The following PCDH15 variants were observed in gnomAD, a reference collection of about 807,000 sequenced individuals.
PCDH15 encodes the protein protocadherin-15.
PCDH15 carries 129 observed loss-of-function variants against 178.5 expected under a neutral mutation model. The ratio of observed to expected loss-of-function variants is 0.72; its 90% CI spans 0.63 to 0.84. PCDH15 has a LOEUF of 0.84. Among genes scored for constraint, PCDH15 ranks in the 40% least tolerant of loss-of-function variants. The probability of loss-of-function intolerance (pLI) is 0.00; values close to 1 mark genes in which losing one functional copy is unlikely to be tolerated. For synonymous variants in PCDH15, 800 were observed against 732.0 expected (o/e 1.09, Z -1.50); for missense variants, 2,230 against 2,099.9 (o/e 1.06, Z -1.21).
At chr10:54,158,087 A>C (rs1020589275) in intron 13 of PCDH15, among the ~76,000 whole-genome samples, 1 of 152,074 alleles carries the variant, frequency 6.6e-6, no homozygotes, top group East Asian at 1.9e-4. Flanking sequence ...AACACTCCAG[A>C]CTGCTCCAAC....
At chr10:55,598,877 A>G (rs983258759) in intron 2 of PCDH15, among the ~76,000 whole-genome samples, 1 of 152,098 alleles carries the variant, frequency 6.6e-6, no homozygotes, top group African/African-American at 2.4e-5. Context: ...ACCAAAGTGT[A>G]GCTTAACCCA....
chr10:54,913,461 G>A (rs61854522), intron 2 of PCDH15, among the ~76,000 whole-genome samples: 26,331 of 152,270 alleles, frequency 0.17, 2,771 homozygotes, highest in Non-Finnish European at 0.23. Context: ...ACACCTGGAT[G>A]TCCAGGCAGA....
At chr10:54,962,297 C>A (rs1838677064) in intron 2 of PCDH15, among the ~76,000 whole-genome samples, 1 of 152,150 alleles carries the variant, frequency 6.6e-6, no homozygotes, top group Admixed American at 6.6e-5. Flanking sequence ...CACTGGGCAG[C>A]CACCCCACGT....
At chr10:55,042,025 A>AAGG (rs1840875300) in intron 2 of PCDH15, among the ~76,000 whole-genome samples, 1 of 152,098 alleles carries the variant, frequency 6.6e-6, no homozygotes, top group Non-Finnish European at 1.5e-5. Context: ...TCTTCACTCT[A>AAGG]CCATAAGGCT....
intron 4 of PCDH15, among the ~76,000 whole-genome samples, chr10:54,371,053 CAT>C (rs1947588373): frequency 6.6e-6 from 1 of 151,892 alleles, no homozygotes; most frequent in African/African-American, 2.4e-5. Flanking sequence ...GCATTAAAAT[CAT>C]GTGTATAAAA....
chr10:55,561,901 A>T (rs1199513105), intron 2 of PCDH15, among the ~76,000 whole-genome samples: 1 of 151,924 alleles, frequency 6.6e-6, no homozygotes, highest in African/African-American at 2.4e-5. Context: ...CCAGTTTAAA[A>T]TTGATTTTTC....
intron 5 of PCDH15, among the ~76,000 whole-genome samples, chr10:54,358,137 A>T (rs1315939088): frequency 6.8e-6 from 1 of 147,410 alleles, no homozygotes; most frequent in Admixed American, 6.7e-5. Context: ...ACCAAAAGCA[A>T]TGGCAACAAA....
At chr10:55,530,187 C>T (rs1037853243) in intron 2 of PCDH15, among the ~76,000 whole-genome samples, 9 of 151,690 alleles carry the variant, frequency 5.9e-5, no homozygotes, top group Admixed American at 2.6e-4. Context: ...TAACTGTCGT[C>T]GGCTTTTGAG....
At chr10:55,048,220 T>C (rs1841062680) in intron 2 of PCDH15, among the ~76,000 whole-genome samples, 2 of 151,886 alleles carry the variant, frequency 1.3e-5, no homozygotes, top group African/African-American at 4.8e-5. Context: ...CTTTAAACTT[T>C]CAACCTGACT....
intron 2 of PCDH15, among the ~76,000 whole-genome samples, chr10:55,598,513 A>AATATATAT (rs61184409): frequency 3.8e-4 from 32 of 83,420 alleles, no homozygotes; most frequent in Non-Finnish European, 7.4e-4. Flanking sequence ...AGCAAACCCT[A>AATATATAT]ATATATATAT....
chr10:55,300,268 G>A (rs760960602), intron 1 of PCDH15, among the ~76,000 whole-genome samples: 47 of 152,210 alleles, frequency 3.1e-4, no homozygotes, highest in Non-Finnish European at 5.9e-5. Flanking sequence ...AAAATGAGGT[G>A]CTTGTTTTCA....
chr10:54,190,510 C>G (rs1456680030), intron 11 of PCDH15, among the ~76,000 whole-genome samples: 1 of 152,140 alleles, frequency 6.6e-6, no homozygotes, highest in African/African-American at 2.4e-5. Flanking sequence ...CTCAAGGGAT[C>G]CTTCTGCCTC....
chr10:54,371,196 C>T (rs1267227220), intron 4 of PCDH15, among the ~76,000 whole-genome samples: 1 of 151,504 alleles, frequency 6.6e-6, no homozygotes, highest in Non-Finnish European at 1.5e-5. Context: ...TAAATTTTAT[C>T]CTCCAATTTG....
At chr10:54,562,945 T>G (rs2088423483) in intron 2 of PCDH15, among the ~76,000 whole-genome samples, 1 of 152,170 alleles carries the variant, frequency 6.6e-6, no homozygotes, top group Non-Finnish European at 1.5e-5. Context: ...TAACATGAAC[T>G]CTAATGTTTG....
At chr10:54,508,273 T>C (rs979508284) in intron 3 of PCDH15, among the ~76,000 whole-genome samples, 5 of 152,068 alleles carry the variant, frequency 3.3e-5, no homozygotes, top group Non-Finnish European at 7.4e-5. Context: ...AGAGTAGATA[T>C]CCTTATCTTT....
chr10:54,865,347 C>G (rs984625987), intron 3 of PCDH15, among the ~76,000 whole-genome samples: 13 of 152,126 alleles, frequency 8.5e-5, no homozygotes, highest in Admixed American at 6.6e-5. Flanking sequence ...GAGTCTTGGA[C>G]TTACATCAGT....
chr10:54,336,655 A>G (rs1248575433), intron 6 of PCDH15, among the ~76,000 whole-genome samples: 1 of 152,206 alleles, frequency 6.6e-6, no homozygotes, highest in Non-Finnish European at 1.5e-5. Context: ...GGATGTATGG[A>G]AATGCCTGGA....
intron 25 of PCDH15, among the ~76,000 whole-genome samples, chr10:53,906,702 G>A (rs2082704295): frequency 6.6e-6 from 1 of 152,134 alleles, no homozygotes; most frequent in Non-Finnish European, 1.5e-5. Context: ...TAATCAGGAA[G>A]TTGTAGAGCC....
chr10:53,931,965 C>A (rs2085099803), intron 25 of PCDH15, among the ~76,000 whole-genome samples: 1 of 152,162 alleles, frequency 6.6e-6, no homozygotes, highest in Non-Finnish European at 1.5e-5. Context: ...ACTCAGACTT[C>A]TATTACCTGA....
Sources: gnomAD v4.1 joint callset for allele counts (sites outside exome capture counted in the v4.1 genomes callset) on GRCh38, gnomAD v4.1.1 for gene constraint, MANE v1.5 for transcripts, NCBI Gene and HGNC (gene_info 2026-07-23, HGNC 2026-07-21) for gene names.